SYNE2: variants seen among roughly 807,000 people sequenced by gnomAD.
SYNE2 encodes nesprin-2.
Under a neutral mutation model 856.3 loss-of-function variants are expected in SYNE2, and 431 were observed. That is an observed-to-expected ratio of 0.50 (90% confidence interval 0.47 to 0.55). The LOEUF (loss-of-function observed/expected upper bound fraction) is 0.55, where lower values mean the gene tolerates loss of function less well. SYNE2 is among the 20% of genes least tolerant of loss of function. The pLI is 0.00. For synonymous variants in SYNE2, 2,923 were observed against 2,872.3 expected, an observed-to-expected ratio of 1.02 and a Z score of -0.56; for missense variants, 8,129 against 8,023.2, an observed-to-expected ratio of 1.01 and a Z score of -0.50.
chr14:64,029,783 C>A, intron 43 of SYNE2, 112 bp from the exon 44 acceptor site: 1 of 1,263,968 alleles, frequency 7.9e-7, no homozygotes, highest in South Asian at 1.3e-5. Flanking sequence ...TAGCCGTATT[C>A]CTGTTTCAAG....
chr14:63,987,234 G>A (rs960815649), intron 19 of SYNE2, among the ~76,000 whole-genome samples: 4 of 151,580 alleles, frequency 2.6e-5, no homozygotes, highest in Admixed American at 6.6e-5. Flanking sequence ...CCAGCCTGGC[G>A]ACAGGGTGAG....
chr14:63,934,544 A>T (rs1341431703), intron 2 of SYNE2, among the ~76,000 whole-genome samples: 1 of 150,342 alleles, frequency 6.7e-6, no homozygotes, highest in African/African-American at 2.5e-5. Context: ...AAATGAAATG[A>T]CCCCTCATCT....
At position 64,010,122 on chromosome 14, in the gene SYNE2, T is replaced by G; in HGVS notation, c.4728+6T>G. The stretch of plus-strand genomic sequence containing the variant: ...TGAAGAAAAGGATAGCAGAGGTGAG[T>G]CCAGGTTCCATTAGAAAAAACTGCC... On this transcript the variant is annotated splice_donor_region_variant and intron_variant, in intron 32 of 115. Coordinates refer to ENST00000555002, the MANE Select transcript of SYNE2 (RefSeq NM_182914.3). 6.2e-7 allele frequency: 1 copy of G among 1,608,870 alleles called. No homozygotes were observed. Among genetic ancestry groups the G allele is most frequent in the Non-Finnish European group, 8.5e-7 (1 of 1,177,226 alleles).
chr14:64,177,314 T>C, intron 95 of SYNE2, 44 bp from the exon 96 acceptor site: 2 of 1,612,840 alleles, frequency 1.2e-6, no homozygotes, highest in Non-Finnish European at 1.7e-6. Flanking sequence ...CAATTCATTC[T>C]AAAGAGCAAA....
rs780290716 is a variant in SYNE2, at chr14:64,051,673, A to G, written c.7760A>G (p.His2587Arg). 17 of 1,614,114 alleles carry G rather than the reference A, an allele frequency of 1.1e-5. No individual in the cohort carries two copies. The highest frequency in any genetic ancestry group is 1.4e-5 in the Non-Finnish European group (16 of 1,180,028). The change falls in exon 48 of 116, where the codon CAC (histidine) becomes CGC (arginine). Residue 2587 changes from histidine (H) to arginine (R), a missense_variant. His to Arg is a conservative substitution (Grantham distance 29). This residue lies in a region of SYNE2 where 5,410 missense variants were observed against 5,284.8 expected (regional missense o/e 1.02). Transcript: ENST00000555002. ...LKIKWENLSN[H>R]VTDMDKKLLE... ...ATCAAATGGGAGAATTTATCAAACC[A>G]CGTGACTGACATGGATAAGAAATTG...
chr14:64,021,839 G>T lies in SYNE2; in HGVS notation c.5353-18G>T, dbSNP rs770065372. 3 of 1,613,132 alleles carry T rather than the reference G, an allele frequency of 1.9e-6. No individual in the cohort carries two copies. Among genetic ancestry groups the T allele is most frequent in the South Asian group, 2.2e-5 (2 of 91,034 alleles). Reference sequence around the variant, plus strand: ...CCTGTTTTAAGATTTAATGGTTGTTGTTTGTTTATGCATTTAGGAGATACA... The same window carrying T: ...CCTGTTTTAAGATTTAATGGTTGTTTTTTGTTTATGCATTTAGGAGATACA... On this transcript the variant is annotated intron_variant, in intron 36 of 115. Coordinates refer to ENST00000555002, the MANE Select transcript of SYNE2 (RefSeq NM_182914.3).
intron 1 of SYNE2, among the ~76,000 whole-genome samples, chr14:63,867,732 A>C (rs893965665): frequency 1.3e-5 from 2 of 151,472 alleles, no homozygotes; most frequent in African/African-American, 4.9e-5. Flanking sequence ...AGAATGAAAG[A>C]ATGAAAGAAA....
rs770200766 is a variant in SYNE2, at chr14:64,002,781, A to G, written c.3848A>G (p.Asn1283Ser). The change falls in exon 30 of 116, where the codon AAC becomes AGC. Residue 1283 changes from asparagine to serine, a missense_variant. Transcript: ENST00000555002. ...EICNRLEEPG[N>S]FVLKELHPFD... ...TGTAACCGCTTAGAAGAGCCAGGCA[A>G]CTTTGTATTAAAGGAGTTACACCCA... 62 of 1,613,874 alleles carry G rather than the reference A, an allele frequency of 3.8e-5. No homozygotes were observed. The highest frequency in any genetic ancestry group is 5.2e-5 in the Non-Finnish European group (61 of 1,179,970).
In SYNE2 at chr14:63,892,729, CTT is replaced by C. The variant is rs11293385; in HGVS notation, c.-51-16353_-51-16352del. 6.5e-3 allele frequency among the ~76,000 whole-genome samples: 846 copies of C among 130,196 alleles called. 7 individuals are homozygous for C. The highest frequency in any genetic ancestry group is 0.017 in the African/African-American group (581 of 34,962). 85.4% of individuals were successfully genotyped at this position (130,196 alleles called of 152,430 possible). Reference sequence around the variant, plus strand: ...AAAAAATAAATCCTTGGTGTACTTTCTTTTTTTTTTTTTTTTTGTTGTAGAGA... The same window carrying C: ...AAAAAATAAATCCTTGGTGTACTTTCTTTTTTTTTTTTTTTGTTGTAGAGA... On this transcript the variant is annotated intron_variant, in intron 1 of 115. Transcript: ENST00000555002.
At chr14:63,766,577 T>C (rs1485981650) in intron 1 of SYNE2, among the ~76,000 whole-genome samples, 5 of 152,172 alleles carry the variant, frequency 3.3e-5, no homozygotes, top group Admixed American at 6.6e-5. Context: ...AGCTGTGCAA[T>C]GTGACAAGAC....
At position 63,940,660 on chromosome 14, in the gene SYNE2, C is replaced by G. The variant is rs746827264; in HGVS notation, c.126C>G (p.Asn42Lys). Residue 42 changes from asparagine to lysine, a missense_variant, in exon 3 of 116, where the codon AAC (asparagine) becomes AAG (lysine). By Grantham distance (94) the Asn-to-Lys change is moderately conservative. Coordinates refer to ENST00000555002, the MANE Select transcript of SYNE2 (RefSeq NM_182914.3). ...AGAAAGCCTTCACGTGCTGGATAAA[C>G]TCACAGTTGGCCAGGGTAAGCAAAT... ...TQKKAFTCWINSQLARHTSPS... is the reference protein window; with the variant it reads ...TQKKAFTCWIKSQLARHTSPS... The G allele has an allele frequency of 5.1e-5, 83 of 1,613,972 alleles. No homozygotes were observed. In the East Asian group the frequency reaches 1.8e-3, roughly 36 times the overall value.
rs369326935 is a variant in SYNE2, at chr14:63,909,134, C to A, written c.-15C>A. The A allele has an allele frequency of 2.5e-6, 4 of 1,580,942 alleles. No homozygotes were observed. On this transcript the variant is annotated 5_prime_UTR_variant, in exon 2 of 116. Transcript: ENST00000555002. ...AACTGAGATGGACATGATATAATCT[C>A]CATTGAGTCAAAGAATGGCATCTAG...
intron 94 of SYNE2, chr14:64,174,067 A>G: frequency 1.9e-6 from 1 of 536,950 alleles, no homozygotes. Flanking sequence ...TTGTCTCTTA[A>G]ATTTTTTTTT....
Position 64,175,125 on chromosome 14 carries a change from A to G in SYNE2, c.17417A>G (p.Gln5806Arg). The G allele has an allele frequency of 1.9e-6, 3 of 1,614,026 alleles. No individual in the cohort carries two copies. Among genetic ancestry groups the G allele is most frequent in the Non-Finnish European group, 2.5e-6 (3 of 1,179,886 alleles). Reference sequence around the variant, plus strand: ...CTGGCAGAGATGATTAAGCAGTTCCAGAGCACTGTAGAGGTAAACTCACCA... The same window carrying G: ...CTGGCAGAGATGATTAAGCAGTTCCGGAGCACTGTAGAGGTAAACTCACCA... ...PQLAEMIKQF[Q>R]STVETWDQCE... is the part of the protein sequence containing the mutation. The change falls in exon 95 of 116, where the codon CAG (glutamine) becomes CGG (arginine). Residue 5806 changes from glutamine to arginine, a missense_variant. Gln to Arg is a conservative substitution (Grantham distance 43). Around this residue, in one of 3 missense-constraint regions of SYNE2, gnomAD observed 5,410 missense variants for 5,284.8 expected, o/e 1.02. Transcript: ENST00000555002.
At position 63,961,547 on chromosome 14, in the gene SYNE2, T is replaced by C. The variant is rs762886275; in HGVS notation, c.810T>C (p.Asp270=). Residue 270 remains aspartate, a synonymous_variant, in exon 9 of 116, where the codon GAT becomes GAC. Coordinates refer to ENST00000555002, the MANE Select transcript of SYNE2 (RefSeq NM_182914.3). ...CAGATGTGGATGTTGTTGATCCTGA[T>C]GAAAAGTCCATCATGACCTATGTGG... ...EPEDVDVVDP[D]EKSIMTYVAQ... 8 of 1,613,874 alleles carry C rather than the reference T, an allele frequency of 5.0e-6. No individual in the cohort carries two copies. In the African/African-American group the frequency reaches 9.3e-5, roughly 19 times the overall value.
At chr14:63,863,974 A>AC (rs1894505590) in intron 1 of SYNE2, among the ~76,000 whole-genome samples, 1 of 152,068 alleles carries the variant, frequency 6.6e-6, no homozygotes, top group South Asian at 2.1e-4. Flanking sequence ...GGCGCACGGC[A>AC]CCACGCTTGA....
At chr14:63,971,441 T>C (rs547778619) in intron 11 of SYNE2, among the ~76,000 whole-genome samples, 1 of 152,240 alleles carries the variant, frequency 6.6e-6, no homozygotes, top group South Asian at 2.1e-4. Flanking sequence ...ATCTAAGTTA[T>C]TGTACAACTT....
At chr14:64,126,879 T>C in intron 73 of SYNE2, 72 bp downstream of exon 73, 1 of 1,439,066 alleles carries the variant, frequency 6.9e-7, no homozygotes, top group Non-Finnish European at 9.6e-7. Flanking sequence ...TGCCTATTCC[T>C]ATTCCTGGTG....
intron 6 of SYNE2, among the ~76,000 whole-genome samples, chr14:63,943,886 G>T (rs1258155061): frequency 1.3e-5 from 2 of 151,684 alleles, no homozygotes; most frequent in African/African-American, 2.4e-5. Context: ...GCTCAGGCTG[G>T]TATTGAACTC....
Sources: allele counts gnomAD v4.1 joint callset (sites outside exome capture counted in the v4.1 genomes callset), GRCh38; gene constraint gnomAD v4.1.1; regional missense constraint gnomAD v4.1.1; transcripts MANE v1.5; gene names NCBI Gene and HGNC (gene_info 2026-07-23, HGNC 2026-07-21).